SCARA5: variants seen among roughly 807,000 people sequenced by gnomAD.
The protein encoded by SCARA5 is scavenger receptor class A, member 5 (putative).
Under a neutral mutation model 46.3 loss-of-function variants are expected in SCARA5, and 45 were observed. That is an observed-to-expected ratio of 0.97 (90% confidence interval 0.76 to 1.24). The LOEUF is 1.24. Among genes scored for constraint, SCARA5 ranks in the 50% most tolerant of loss-of-function variants. The pLI is 0.00. For missense variants in SCARA5, 680 were observed against 689.0 expected (o/e 0.99, Z 0.15); for synonymous variants, 333 against 306.5 (o/e 1.09, Z -0.90).
At position 27,904,755 on chromosome 8, in the gene SCARA5, C is replaced by T. The variant is rs759286010; in HGVS notation, c.1153+23G>A. ...AGCCCTGTGCCAACACCATATCCCA[C>T]GGCCCCAGCAGAATGTCCTTACTGG... On this transcript the variant is annotated intron_variant, in intron 7 of 8. Coordinates refer to ENST00000354914, the MANE Select transcript of SCARA5 (RefSeq NM_173833.6). The T allele has an allele frequency of 6.7e-5, 108 of 1,607,118 alleles. No homozygotes were observed. In the East Asian group the frequency reaches 1.3e-3, roughly 19 times the overall value.
intron 7 of SCARA5, among the ~76,000 whole-genome samples, chr8:27,891,565 G>C (rs564321351): frequency 5.2e-4 from 79 of 152,292 alleles, no homozygotes; most frequent in Non-Finnish European, 9.3e-4. Flanking sequence ...CCCCCTTAAA[G>C]TGCCTGCCTG....
At chr8:27,904,360 G>A (rs1443486793) in intron 7 of SCARA5, 1 of 289,632 alleles carries the variant, frequency 3.5e-6, no homozygotes, top group Non-Finnish European at 6.5e-6. Flanking sequence ...ATCACAAACA[G>A]GTACTGAGTC....
chr8:27,892,606 C>CTTTTTTTTT (rs1230257718), intron 7 of SCARA5, among the ~76,000 whole-genome samples: 73 of 126,996 alleles, frequency 5.7e-4, no homozygotes, highest in Admixed American at 7.5e-4. Flanking sequence ...ATACCTCACC[C>CTTTTTTTTT]TTTTTTTTTT....
At chr8:27,964,445 C>G (rs1808338095) in intron 3 of SCARA5, among the ~76,000 whole-genome samples, 2 of 152,156 alleles carry the variant, frequency 1.3e-5, no homozygotes, top group Admixed American at 6.5e-5. Context: ...GGTATGGCAA[C>G]ATTTCTATTA....
intron 1 of SCARA5, among the ~76,000 whole-genome samples, chr8:27,989,103 C>CTTT (rs1156373975): frequency 9.8e-6 from 1 of 101,770 alleles, no homozygotes; most frequent in African/African-American, 3.6e-5. Context: ...TTTCTTTCTT[C>CTTT]TTTTTTTTTT....
At chr8:27,893,508 C>T in intron 7 of SCARA5, among the ~76,000 whole-genome samples, 1 of 151,970 alleles carries the variant, frequency 6.6e-6, no homozygotes, top group East Asian at 1.9e-4. Context: ...AGTCTTACCC[C>T]AGATGCCCCT....
chr8:27,893,849 G>A (rs1434977203), intron 7 of SCARA5, among the ~76,000 whole-genome samples: 1 of 152,208 alleles, frequency 6.6e-6, no homozygotes, highest in African/African-American at 2.4e-5. Flanking sequence ...CAGCGCAACT[G>A]AGCAAGTGGT....
chr8:27,872,111 G>A (rs1170579497), intron 8 of SCARA5, 41 bp from the exon 9 acceptor site: 3 of 1,609,732 alleles, frequency 1.9e-6, no homozygotes, highest in Non-Finnish European at 1.7e-6. Context: ...GGATACACAG[G>A]AGGGCGAGAA....
At chr8:27,940,103 A>C (rs1807919321) in intron 3 of SCARA5, among the ~76,000 whole-genome samples, 1 of 152,198 alleles carries the variant, frequency 6.6e-6, no homozygotes, top group Admixed American at 6.5e-5. Flanking sequence ...ACAGCTCACC[A>C]TCATTCCCCC....
chr8:27,930,124 G>A (rs78282380), intron 3 of SCARA5, among the ~76,000 whole-genome samples: 4,385 of 152,228 alleles, frequency 0.029, 107 homozygotes, highest in East Asian at 0.052. Flanking sequence ...AGCTTGATAT[G>A]GTTTTCCTGT....
chr8:27,895,907 A>G (rs1298097905), intron 7 of SCARA5, among the ~76,000 whole-genome samples: 2 of 152,208 alleles, frequency 1.3e-5, no homozygotes, highest in Non-Finnish European at 2.9e-5. Flanking sequence ...CCGGTGTTCA[A>G]TAAAAAGTGT....
At chr8:27,883,967 TC>T (rs1416170338) in intron 7 of SCARA5, among the ~76,000 whole-genome samples, 2 of 59,048 alleles carry the variant, frequency 3.4e-5, no homozygotes, top group Non-Finnish European at 8.3e-5. Flanking sequence ...CTTTCATAGG[TC>T]CCGAAGGAGA....
At chr8:27,967,852 G>T (rs1358228599) in intron 2 of SCARA5, among the ~76,000 whole-genome samples, 4 of 152,166 alleles carry the variant, frequency 2.6e-5, no homozygotes, top group Non-Finnish European at 5.9e-5. Context: ...AGCAGAGGTT[G>T]CAGTGAGCTG....
At chr8:27,920,090 G>A (rs1399304868) in intron 4 of SCARA5, among the ~76,000 whole-genome samples, 2 of 151,896 alleles carry the variant, frequency 1.3e-5, no homozygotes, top group Non-Finnish European at 2.9e-5. Context: ...TGTCAGGAGT[G>A]AAGAAAGGGA....
At chr8:27,958,107 C>A (rs997457554) in intron 3 of SCARA5, among the ~76,000 whole-genome samples, 13 of 152,276 alleles carry the variant, frequency 8.5e-5, no homozygotes, top group African/African-American at 2.6e-4. Context: ...TCTGCAGTGT[C>A]CTGAGTGCTG....
intron 3 of SCARA5, among the ~76,000 whole-genome samples, chr8:27,923,605 C>A (rs186843544): frequency 1.8e-3 from 277 of 152,320 alleles, no homozygotes; most frequent in Admixed American, 2.2e-3. Context: ...GAGTCTCACT[C>A]TGTTGCTGTC....
intron 3 of SCARA5, among the ~76,000 whole-genome samples, chr8:27,930,947 A>G (rs1682911648): frequency 6.6e-6 from 1 of 152,188 alleles, no homozygotes; most frequent in African/African-American, 2.4e-5. Flanking sequence ...AAGGGATGGG[A>G]CGGAACGCCA....
At chr8:27,949,490 A>G (rs1808088871) in intron 3 of SCARA5, among the ~76,000 whole-genome samples, 1 of 152,212 alleles carries the variant, frequency 6.6e-6, no homozygotes, top group Non-Finnish European at 1.5e-5. Flanking sequence ...CTGTAACCGT[A>G]AGGGTGGAGT....
chr8:27,890,276 G>T (rs1806961035), intron 7 of SCARA5, among the ~76,000 whole-genome samples: 1 of 152,218 alleles, frequency 6.6e-6, no homozygotes, highest in Admixed American at 6.5e-5. Context: ...TTCTCTTTCT[G>T]ATGCTGGCTA....
Sources: gnomAD v4.1 joint callset for allele counts (sites outside exome capture counted in the v4.1 genomes callset) on GRCh38, gnomAD v4.1.1 for gene constraint, MANE v1.5 for transcripts, NCBI Gene and HGNC (gene_info 2026-07-23, HGNC 2026-07-21) for gene names.